The following FARS2 variants were observed in gnomAD, a reference collection of about 807,000 sequenced individuals.
FARS2 encodes phenylalanyl-tRNA synthetase 2, mitochondrial, also known as phenylalanine--tRNA ligase, mitochondrial.
A neutral mutation model predicts 46.4 loss-of-function variants in FARS2; 40 were observed. The observed-to-expected ratio is 0.86, with a 90% confidence interval of 0.67 to 1.12. The LOEUF (loss-of-function observed/expected upper bound fraction) is 1.12, where lower values mean the gene tolerates loss of function less well. FARS2 is among the 50% of genes most tolerant of loss of function. The pLI is 0.00. For missense variants in FARS2, 513 were observed against 567.9 expected (o/e 0.90, Z 0.98); for synonymous variants, 234 against 214.9 (o/e 1.09, Z -0.78).
At chr6:5,708,926 A>G (rs1033840961) in intron 6 of FARS2, among the ~76,000 whole-genome samples, 2 of 152,126 alleles carry the variant, frequency 1.3e-5, no homozygotes, top group Admixed American at 6.6e-5. Context: ...AGCTTCCCAA[A>G]TCAGAGACCC....
chr6:5,366,174 C>T (rs1031325997), intron 1 of FARS2, among the ~76,000 whole-genome samples: 1 of 152,140 alleles, frequency 6.6e-6, no homozygotes, highest in African/African-American at 2.4e-5. Flanking sequence ...GCTAGCTAGG[C>T]ATATGAATTT....
intron 4 of FARS2, among the ~76,000 whole-genome samples, chr6:5,463,658 G>T (rs189200258): frequency 2.6e-5 from 4 of 151,926 alleles, no homozygotes; most frequent in African/African-American, 9.7e-5. Flanking sequence ...TCTTATGCCT[G>T]TGGCATAAAT....
intron 2 of FARS2, among the ~76,000 whole-genome samples, chr6:5,377,247 C>G (rs6940679): frequency 0.3 from 45,183 of 152,182 alleles, 7,398 homozygotes; most frequent in South Asian, 0.38. Context: ...CCCACTCTCC[C>G]TGGTGGCACC....
At chr6:5,345,083 C>T (rs550009289) in intron 1 of FARS2, among the ~76,000 whole-genome samples, 3 of 152,032 alleles carry the variant, frequency 2.0e-5, no homozygotes, top group African/African-American at 7.2e-5. Flanking sequence ...TGAGCCACCA[C>T]GCCTGGCCAA....
intron 2 of FARS2, among the ~76,000 whole-genome samples, chr6:5,381,404 CAT>C (rs772356980): frequency 0.12 from 10,012 of 81,654 alleles, 375 homozygotes; most frequent in African/African-American, 0.22. Context: ...CACACACACA[CAT>C]ACACACACAC....
At chr6:5,376,644 C>A (rs1300087396) in intron 2 of FARS2, among the ~76,000 whole-genome samples, 4 of 152,144 alleles carry the variant, frequency 2.6e-5, no homozygotes, top group Admixed American at 1.3e-4. Flanking sequence ...CTTGTATCAA[C>A]ATGGATGGGT....
intron 6 of FARS2, among the ~76,000 whole-genome samples, chr6:5,728,445 G>T (rs1416408472): frequency 3.3e-5 from 5 of 152,108 alleles, no homozygotes; most frequent in African/African-American, 1.2e-4. Flanking sequence ...GTTTATTCAT[G>T]ACAGGGAGGG....
At chr6:5,504,369 T>A (rs574399686) in intron 4 of FARS2, among the ~76,000 whole-genome samples, 53 of 147,978 alleles carry the variant, frequency 3.6e-4, no homozygotes, top group African/African-American at 1.3e-3. Context: ...TAAAGACCTA[T>A]ACACTGAGTG....
chr6:5,562,465 A>G (rs1772042540), intron 5 of FARS2, among the ~76,000 whole-genome samples: 1 of 152,150 alleles, frequency 6.6e-6, no homozygotes, highest in African/African-American at 2.4e-5. Context: ...TAGCAGCATC[A>G]TGACAGGATG....
At chr6:5,432,500 T>TA (rs1763278791) in intron 4 of FARS2, among the ~76,000 whole-genome samples, 1 of 122,214 alleles carries the variant, frequency 8.2e-6, no homozygotes, top group Non-Finnish European at 1.6e-5. Flanking sequence ...ATTATATATA[T>TA]TTTTTATATC....
chr6:5,281,852 G>C (rs192819635), intron 1 of FARS2, among the ~76,000 whole-genome samples: 13 of 152,264 alleles, frequency 8.5e-5, no homozygotes, highest in Admixed American at 1.3e-4. Flanking sequence ...TTTAGTCAGT[G>C]CTCCTAGCCA....
intron 6 of FARS2, among the ~76,000 whole-genome samples, chr6:5,691,117 A>T (rs543229208): frequency 2.6e-5 from 4 of 151,984 alleles, no homozygotes; most frequent in Admixed American, 2.0e-4. Context: ...TTTTTAGCTT[A>T]TTTGCAATGG....
intron 5 of FARS2, among the ~76,000 whole-genome samples, chr6:5,587,346 T>C (rs1484901008): frequency 6.6e-6 from 1 of 152,220 alleles, no homozygotes; most frequent in African/African-American, 2.4e-5. Flanking sequence ...AACAACAGGA[T>C]TTATTTTAAT....
chr6:5,409,125 A>G lies in FARS2; in HGVS notation c.772+4424A>G, dbSNP rs79837487. Among the ~76,000 whole-genome samples the G allele has an allele frequency of 3.9e-3, 588 of 152,308 alleles. 2 individuals carry two copies. The highest frequency in any genetic ancestry group is 0.014 in the African/African-American group (570 of 41,568). On this transcript the variant is annotated intron_variant, in intron 3 of 6. Coordinates refer to ENST00000274680, the MANE Select transcript of FARS2 (RefSeq NM_006567.5). The stretch of plus-strand genomic sequence containing the variant: ...TTCTGACTGTGATGCCTGTCCTGAC[A>G]TGGTGGGCATGATCCTGGCCAAGAA...
chr6:5,649,866 GC>G (rs1303950262), intron 6 of FARS2, among the ~76,000 whole-genome samples: 2 of 152,208 alleles, frequency 1.3e-5, no homozygotes, highest in Non-Finnish European at 2.9e-5. Context: ...TGAGTTGAAA[GC>G]AGTAATTGTT....
intron 6 of FARS2, among the ~76,000 whole-genome samples, chr6:5,684,291 G>C (rs182453425): frequency 8.3e-4 from 127 of 152,128 alleles, no homozygotes; most frequent in African/African-American, 2.9e-3. Flanking sequence ...ACACGTCCCC[G>C]GCCCCTCACC....
intron 2 of FARS2, among the ~76,000 whole-genome samples, chr6:5,385,802 TA>T (rs1760093041): frequency 6.6e-6 from 1 of 152,128 alleles, no homozygotes; most frequent in South Asian, 2.1e-4. Flanking sequence ...AACCAAGGAT[TA>T]ATAAGCAGTA....
intron 1 of FARS2, among the ~76,000 whole-genome samples, chr6:5,352,722 A>G (rs1757651988): frequency 6.6e-6 from 1 of 151,714 alleles, no homozygotes; most frequent in South Asian, 2.1e-4. Context: ...AGAGCTTTCC[A>G]TCCTTCTGTC....
At chr6:5,709,443 T>C (rs1404361213) in intron 6 of FARS2, among the ~76,000 whole-genome samples, 1 of 152,186 alleles carries the variant, frequency 6.6e-6, no homozygotes, top group East Asian at 1.9e-4. Context: ...ATCTGCCAGT[T>C]GGAGGAACTC....
Sources: gnomAD v4.1 joint callset for allele counts (sites outside exome capture counted in the v4.1 genomes callset) on GRCh38, gnomAD v4.1.1 for gene constraint, MANE v1.5 for transcripts, NCBI Gene and HGNC (gene_info 2026-07-23, HGNC 2026-07-21) for gene names.